The following NAV3 variants were observed in gnomAD, a reference collection of about 807,000 sequenced individuals.
NAV3 encodes the protein pore membrane and/or filament interacting like protein 1.
In NAV3, 87 loss-of-function variants were observed where a neutral mutation model predicts 244.7. The ratio of observed to expected loss-of-function variants is 0.36; its 90% CI spans 0.30 to 0.42. The LOEUF is 0.42. NAV3 is among the 20% of genes least tolerant of loss of function. The pLI is 1.00. For synonymous variants in NAV3, 1,126 were observed against 1,042.2 expected, an observed-to-expected ratio of 1.08 and a Z score of -1.55; for missense variants, 2,663 against 2,893.3, an observed-to-expected ratio of 0.92 and a Z score of 1.83.
chr12:77,648,926 A>T (rs759011713), intron 2 of NAV3, among the ~76,000 whole-genome samples: 3 of 152,102 alleles, frequency 2.0e-5, no homozygotes, highest in African/African-American at 2.4e-5. Flanking sequence ...CAAGTCATAG[A>T]GTGAGTCATT....
At chr12:77,876,966 C>G (rs544467665) in intron 1 of NAV3, among the ~76,000 whole-genome samples, 26 of 152,168 alleles carry the variant, frequency 1.7e-4, no homozygotes, top group Admixed American at 7.2e-4. Flanking sequence ...AATTACAGTA[C>G]TTAAGAATTG....
Position 78,119,245 on chromosome 12 carries a change from G to A in NAV3, c.3049G>A (p.Asp1017Asn), listed in dbSNP as rs770984812. 1.3e-5 allele frequency: 21 copies of A among 1,608,938 alleles called. No homozygotes were observed. The highest frequency in any genetic ancestry group is 1.7e-4 in the Middle Eastern group (1 of 5,960). The change falls in exon 15 of 40, where the codon GAT becomes AAT. Residue 1017 changes from aspartate to asparagine, a missense_variant. Around this residue, in one of 6 missense-constraint regions of NAV3, gnomAD observed 1,521 missense variants for 1,497.0 expected, o/e 1.02. Transcript: ENST00000397909. ...TSALKTPGKT[D>N]DAKASEKGKA... Reference sequence around the variant, plus strand: ...TATTTCTCCTTAATTAGGGAAAACCGATGATGCCAAAGCTTCTGAGAAAGG... The same window carrying A: ...TATTTCTCCTTAATTAGGGAAAACCAATGATGCCAAAGCTTCTGAGAAAGG...
intron 11 of NAV3, among the ~76,000 whole-genome samples, chr12:78,056,899 G>A (rs542009461): frequency 8.0e-4 from 122 of 152,152 alleles, no homozygotes; most frequent in Admixed American, 4.1e-3. Flanking sequence ...CACGAAGAAC[G>A]TCATGAAGTC....
chr12:77,867,231 C>T (rs1316602948), intron 1 of NAV3, among the ~76,000 whole-genome samples: 3 of 152,068 alleles, frequency 2.0e-5, no homozygotes, highest in African/African-American at 7.2e-5. Context: ...TCATGAGATC[C>T]GATGGTTTTA....
intron 1 of NAV3, among the ~76,000 whole-genome samples, chr12:77,927,376 A>ACTTTTGTACGAGCTGAGAGT (rs1888324959): frequency 6.6e-6 from 1 of 152,208 alleles, no homozygotes; most frequent in African/African-American, 2.4e-5. Flanking sequence ...AAGGCTCATA[A>ACTTTTGTACGAGCTGAGAGT]ATAAAACATT....
chr12:77,917,050 T>C (rs750904198), intron 1 of NAV3, among the ~76,000 whole-genome samples: 18 of 151,938 alleles, frequency 1.2e-4, no homozygotes, highest in Non-Finnish European at 2.4e-4. Flanking sequence ...TATATAAAAA[T>C]CATAATGAAA....
At position 78,006,920 on chromosome 12, in the gene NAV3, C is replaced by A. The variant is rs746603031; in HGVS notation, c.1382C>A (p.Ser461Tyr). 5.0e-6 allele frequency: 8 copies of A among 1,613,918 alleles called. No homozygotes were observed. The highest frequency in any genetic ancestry group is 1.1e-5 in the South Asian group (1 of 91,078). The change falls in exon 8 of 40, where the codon TCT becomes TAT. Residue 461 changes from serine to tyrosine, a missense_variant. Transcript: ENST00000397909. ...AGSKNLSNKK[S>Y]LLQPKEKEEK... is the part of the protein sequence containing the mutation. ...AGCAAAAATCTCAGCAATAAAAAGT[C>A]TTTGCTACAGCCAAAGGAAAAAGAA...
upstream of NAV3, among the ~76,000 whole-genome samples, chr12:77,827,266 T>C (rs1873109760): frequency 7.0e-6 from 1 of 143,626 alleles, no homozygotes; most frequent in Non-Finnish European, 1.5e-5. Flanking sequence ...AAAAAAGTAA[T>C]GTGGCTTTTC....
intron 2 of NAV3, among the ~76,000 whole-genome samples, chr12:77,642,757 A>C (rs1225991955): frequency 2.0e-5 from 3 of 152,036 alleles, no homozygotes; most frequent in Admixed American, 2.0e-4. Context: ...TTTCTTTTGT[A>C]GTTTACTCAA....
intron 2 of NAV3, among the ~76,000 whole-genome samples, chr12:77,582,109 G>A (rs79649216): frequency 3.3e-5 from 5 of 152,072 alleles, no homozygotes; most frequent in Admixed American, 6.6e-5. Flanking sequence ...TCACCAGGTT[G>A]CATCTTTTTA....
At chr12:77,690,144 G>A (rs1472642129) in intron 2 of NAV3, among the ~76,000 whole-genome samples, 1 of 151,728 alleles carries the variant, frequency 6.6e-6, no homozygotes, top group Non-Finnish European at 1.5e-5. Flanking sequence ...CTGAAAAAAT[G>A]CAGATTTTCA....
chr12:77,970,754 A>T (rs529789298), intron 5 of NAV3, among the ~76,000 whole-genome samples: 17 of 152,242 alleles, frequency 1.1e-4, no homozygotes, highest in Non-Finnish European at 2.4e-4. Context: ...AAAGTGGATG[A>T]CATCGTGTTT....
chr12:77,786,763 T>C (rs941680931), intron 2 of NAV3, among the ~76,000 whole-genome samples: 3 of 152,100 alleles, frequency 2.0e-5, no homozygotes, highest in African/African-American at 7.2e-5. Flanking sequence ...CCAGCTTTTT[T>C]CATTTCTGAC....
chr12:78,063,726 G>T (rs781495929), intron 12 of NAV3, among the ~76,000 whole-genome samples: 11 of 152,070 alleles, frequency 7.2e-5, no homozygotes, highest in Non-Finnish European at 1.0e-4. Context: ...ATTTAAGCAG[G>T]GTCTTAAAGA....
intron 12 of NAV3, among the ~76,000 whole-genome samples, chr12:78,114,130 C>A (rs1191197597): frequency 6.6e-6 from 1 of 152,232 alleles, no homozygotes; most frequent in African/African-American, 2.4e-5. Flanking sequence ...TCATCTCCAT[C>A]TGAGACCACC....
intron 2 of NAV3, among the ~76,000 whole-genome samples, chr12:77,653,827 C>T (rs918080360): frequency 7.2e-5 from 11 of 152,146 alleles, no homozygotes; most frequent in East Asian, 1.9e-4. Flanking sequence ...TAGCTCTGTA[C>T]ACATACACAC....
rs10555319 is a variant in NAV3 at position 77,821,092 on chromosome 12, AACAC to A, written c.73-119209_73-119206del. On this transcript the variant is annotated intron_variant, in intron 2 of 8. Transcript: ENST00000550042. ...ATGTACACACACACATGTTCGCACA[AACAC>A]ACACACACACACACACAGCTGTTTT... Among the ~76,000 whole-genome samples, 302 of 150,074 alleles carry A rather than the reference AACAC, an allele frequency of 2.0e-3. 1 individual carries two copies. Among genetic ancestry groups the A allele is most frequent in the African/African-American group, 5.4e-3 (220 of 40,868 alleles).
Position 78,063,549 on chromosome 12 carries a change from TAAAAC to T in NAV3, c.2636+4441_2636+4445del, listed in dbSNP as rs1419784908. 2.6e-5 allele frequency among the ~76,000 whole-genome samples: 4 copies of T among 152,050 alleles called. No homozygotes were observed. The South Asian group carries it at 8.3e-4, about 32-fold the overall frequency. On this transcript the variant is annotated intron_variant, in intron 12 of 39. Coordinates refer to ENST00000397909, the MANE Select transcript of NAV3 (RefSeq NM_001024383.2). ...ATCATAGTAGCACCTTGGGTAAAAA[TAAAAC>T]AAAACAGTATGGGTGAAAGTTCCTC...
intron 17 of NAV3, among the ~76,000 whole-genome samples, chr12:78,128,306 A>T (rs1956014062): frequency 1.4e-5 from 2 of 147,424 alleles, no homozygotes; most frequent in South Asian, 2.1e-4. Context: ...TATGTATTCC[A>T]TTTCCCTATG....
Sources: allele counts gnomAD v4.1 joint callset (sites outside exome capture counted in the v4.1 genomes callset), GRCh38; gene constraint gnomAD v4.1.1; regional missense constraint gnomAD v4.1.1; transcripts MANE v1.5; gene names NCBI Gene and HGNC (gene_info 2026-07-23, HGNC 2026-07-21).